Variants in EXOC4 observed in about 807,000 individuals in gnomAD.
EXOC4 encodes exocyst complex component 4.
A neutral mutation model predicts 107.2 loss-of-function variants in EXOC4; 71 were observed. The observed-to-expected ratio is 0.66, with a 90% confidence interval of 0.55 to 0.81. The LOEUF (loss-of-function observed/expected upper bound fraction) is 0.81. Ranked by LOEUF, EXOC4 falls within the 30% of genes least tolerant of loss-of-function variation. The probability of loss-of-function intolerance (pLI) is 0.00; values close to 1 mark genes in which losing one functional copy is unlikely to be tolerated. For synonymous variants in EXOC4, 456 were observed against 441.2 expected, an observed-to-expected ratio of 1.03 and a Z score of -0.42; for missense variants, 1,108 against 1,189.6, an observed-to-expected ratio of 0.93 and a Z score of 1.01.
At chr7:133,413,978 A>T (rs1797418504) in intron 7 of EXOC4, among the ~76,000 whole-genome samples, 1 of 152,140 alleles carries the variant, frequency 6.6e-6, no homozygotes, top group Non-Finnish European at 1.5e-5. Flanking sequence ...AGACTGACTT[A>T]AAAAAATACA....
intron 10 of EXOC4, among the ~76,000 whole-genome samples, chr7:133,679,023 C>T (rs1794127181): frequency 2.0e-5 from 3 of 152,186 alleles, no homozygotes; most frequent in East Asian, 1.9e-4. Context: ...ATTCTTTATG[C>T]ATTGAAACCG....
At chr7:133,271,743 TTGCTG>T (rs1170941991) in intron 1 of EXOC4, among the ~76,000 whole-genome samples, 2 of 152,174 alleles carry the variant, frequency 1.3e-5, no homozygotes, top group Admixed American at 1.3e-4. Flanking sequence ...CTTACGCCGC[TTGCTG>T]TGCTGTGAGT....
chr7:133,881,244 A>T (rs1798959439), intron 11 of EXOC4, among the ~76,000 whole-genome samples: 1 of 151,660 alleles, frequency 6.6e-6, no homozygotes, highest in African/African-American at 2.4e-5. Context: ...GAGCCCTCCC[A>T]CCTGATCACG....
At chr7:133,724,048 C>T (rs964914275) in intron 10 of EXOC4, among the ~76,000 whole-genome samples, 8 of 152,138 alleles carry the variant, frequency 5.3e-5, no homozygotes, top group Non-Finnish European at 1.2e-4. Flanking sequence ...GCTAGTCAGG[C>T]CAGTTTAACT....
intron 9 of EXOC4, among the ~76,000 whole-genome samples, chr7:133,592,817 G>A (rs1801581202): frequency 6.6e-6 from 1 of 152,146 alleles, no homozygotes; most frequent in East Asian, 1.9e-4. Context: ...TAGCCAGGAT[G>A]GTCTCGATCT....
chr7:133,485,107 A>G (rs1470678998), intron 9 of EXOC4, among the ~76,000 whole-genome samples: 1 of 150,302 alleles, frequency 6.7e-6, no homozygotes. Flanking sequence ...ATAAATAAAT[A>G]AATAAATAAA....
intron 14 of EXOC4, among the ~76,000 whole-genome samples, chr7:133,942,977 T>C (rs1800466811): frequency 6.6e-6 from 1 of 152,210 alleles, no homozygotes; most frequent in Admixed American, 6.5e-5. Flanking sequence ...TGCCGTGTAA[T>C]ATATTCTAGA....
At chr7:133,986,243 T>TA (rs1323042700) in intron 14 of EXOC4, among the ~76,000 whole-genome samples, 1 of 152,218 alleles carries the variant, frequency 6.6e-6, no homozygotes, top group Non-Finnish European at 1.5e-5. Context: ...AAGAGGTAGT[T>TA]ATTACTTGGA....
intron 7 of EXOC4, among the ~76,000 whole-genome samples, chr7:133,394,481 C>T (rs774183048): frequency 6.6e-6 from 1 of 151,824 alleles, no homozygotes; most frequent in South Asian, 2.1e-4. Flanking sequence ...TGGAGTAAAC[C>T]CTAGTTAATC....
chr7:133,394,665 T>G (rs1049011188), intron 7 of EXOC4, among the ~76,000 whole-genome samples: 5 of 152,198 alleles, frequency 3.3e-5, no homozygotes, highest in Non-Finnish European at 7.3e-5. Flanking sequence ...CTAACATCAT[T>G]GATGATTCTT....
At chr7:133,410,709 T>C (rs1487931466) in intron 7 of EXOC4, among the ~76,000 whole-genome samples, 1 of 152,166 alleles carries the variant, frequency 6.6e-6, no homozygotes, top group Non-Finnish European at 1.5e-5. Context: ...AAAATGAAAT[T>C]TATAACTCTC....
At position 133,997,484 on chromosome 7, in the gene EXOC4, C is replaced by T. The variant is rs773977107; in HGVS notation, c.2207-8C>T. ...TGAAATGATTGGTGTTTTATCCTTACCTTTCAGTGCTTTCTCCTGCTCAAG... is the reference window on the plus strand; with the variant it reads ...TGAAATGATTGGTGTTTTATCCTTATCTTTCAGTGCTTTCTCCTGCTCAAG... On this transcript the variant is annotated splice_region_variant and splice_polypyrimidine_tract_variant and intron_variant, in intron 14 of 17. Transcript: ENST00000253861. 6.2e-7 allele frequency: 1 copy of T among 1,613,276 alleles called. No homozygotes were observed. The highest frequency in any genetic ancestry group is 1.1e-5 in the South Asian group (1 of 91,034).
chr7:133,700,977 T>C (rs9649594), intron 10 of EXOC4, among the ~76,000 whole-genome samples: 149,889 of 151,982 alleles, frequency 0.99, 73,958 homozygotes, highest in Middle Eastern at 1. Flanking sequence ...CCTGTCTGTA[T>C]CAAGAAAAAA....
intron 10 of EXOC4, among the ~76,000 whole-genome samples, chr7:133,713,546 C>T (rs1221700048): frequency 2.2e-4 from 34 of 152,100 alleles, no homozygotes; most frequent in Admixed American, 2.2e-3. Context: ...AGTAAACAAA[C>T]ACAAGAAAGG....
chr7:133,987,039 T>C (rs978753422), intron 14 of EXOC4, among the ~76,000 whole-genome samples: 3 of 152,222 alleles, frequency 2.0e-5, no homozygotes, highest in African/African-American at 7.2e-5. Context: ...TTTTTAAGTA[T>C]TTAGTTTTGT....
intron 17 of EXOC4, among the ~76,000 whole-genome samples, chr7:134,042,596 G>T (rs898198694): frequency 6.6e-6 from 1 of 152,198 alleles, no homozygotes; most frequent in Non-Finnish European, 1.5e-5. Flanking sequence ...ATTGTCAAGA[G>T]CCTGTGTGGT....
intron 10 of EXOC4, among the ~76,000 whole-genome samples, chr7:133,706,045 T>C (rs1794762708): frequency 6.6e-6 from 1 of 152,236 alleles, no homozygotes. Flanking sequence ...GTTATAACTT[T>C]AGAAATAATC....
chr7:133,960,194 G>GA lies in EXOC4; in HGVS notation c.2206+22135dup, dbSNP rs752738861. ...AATACCTAATGTGTTAGGATTTATT[G>GA]AAAAAAAAAATTGTCCATCATAAGA... On this transcript the variant is annotated intron_variant, in intron 14 of 17. Transcript: ENST00000253861. Among the ~76,000 whole-genome samples, 48 of 149,264 alleles carry GA rather than the reference G, an allele frequency of 3.2e-4. No individual in the cohort carries two copies. In the East Asian group the frequency reaches 4.9e-3, roughly 15 times the overall value.
At chr7:133,697,000 G>A (rs959010479) in intron 10 of EXOC4, among the ~76,000 whole-genome samples, 3 of 152,224 alleles carry the variant, frequency 2.0e-5, no homozygotes, top group East Asian at 3.9e-4. Flanking sequence ...TAGGAAATTT[G>A]TTCTAAGTCC....
Sources: allele counts gnomAD v4.1 joint callset (sites outside exome capture counted in the v4.1 genomes callset), GRCh38; gene constraint gnomAD v4.1.1; transcripts MANE v1.5; gene names NCBI Gene and HGNC (gene_info 2026-07-23, HGNC 2026-07-21).